GATAD2B: variants seen among roughly 807,000 people sequenced by gnomAD.
GATAD2B encodes transcriptional repressor p66-beta.
In GATAD2B, 8 loss-of-function variants were observed where a neutral mutation model predicts 64.3. The observed-to-expected ratio is 0.12, with a 90% CI of 0.07 to 0.22. GATAD2B has a LOEUF of 0.22. Ranked by LOEUF, GATAD2B falls within the 10% of genes least tolerant of loss-of-function variation. The pLI, the probability that GATAD2B is intolerant of heterozygous loss-of-function variation, is 1.00. For synonymous variants in GATAD2B, 281 were observed against 271.3 expected, an observed-to-expected ratio of 1.04 and a Z score of -0.35; for missense variants, 453 against 752.0, an observed-to-expected ratio of 0.60 and a Z score of 4.65.
intron 1 of GATAD2B, among the ~76,000 whole-genome samples, chr1:153,871,489 A>T (rs1676664474): frequency 6.6e-6 from 1 of 152,158 alleles, no homozygotes; most frequent in Non-Finnish European, 1.5e-5. Context: ...GGTGTAAGCC[A>T]CTGTACCCAG....
At chr1:153,853,745 G>A (rs1675989571) in intron 1 of GATAD2B, among the ~76,000 whole-genome samples, 1 of 152,106 alleles carries the variant, frequency 6.6e-6, no homozygotes, top group Admixed American at 6.6e-5. Flanking sequence ...CAGGTCTTAT[G>A]TTTAACTCTT....
chr1:153,853,829 CCAA>C (rs1362425242), intron 1 of GATAD2B, among the ~76,000 whole-genome samples: 5 of 152,038 alleles, frequency 3.3e-5, no homozygotes, highest in Admixed American at 6.6e-5. Context: ...TCCACTTTTC[CCAA>C]CAACATTTGT....
At chr1:153,911,753 C>CA (rs71584153) in intron 1 of GATAD2B, among the ~76,000 whole-genome samples, 17,944 of 151,396 alleles carry the variant, frequency 0.12, 1,625 homozygotes, top group East Asian at 0.49. Flanking sequence ...AAACAAAAAA[C>CA]AAAAAAAACA....
chr1:153,814,370 AAG>A (rs1350833998), intron 7 of GATAD2B, among the ~76,000 whole-genome samples: 7 of 152,326 alleles, frequency 4.6e-5, no homozygotes, highest in African/African-American at 1.7e-4. Context: ...AGCTTTTTAT[AAG>A]GTCTTTCTTA....
chr1:153,892,692 CTTTTTTTTTTTT>C (rs144331770), intron 1 of GATAD2B, among the ~76,000 whole-genome samples: 27 of 97,872 alleles, frequency 2.8e-4, no homozygotes, highest in African/African-American at 1.1e-3. Context: ...TGTAAGAAAC[CTTTTTTTTTTTT>C]TTTTTTTTTT....
intron 1 of GATAD2B, among the ~76,000 whole-genome samples, chr1:153,873,076 C>T (rs1165253236): frequency 6.6e-6 from 1 of 152,058 alleles, no homozygotes; most frequent in Admixed American, 6.6e-5. Context: ...TTTTAATCAG[C>T]ATTGCTTTTG....
At position 153,815,531 on chromosome 1, in the gene GATAD2B, TCA is replaced by T. The variant is rs1174920332; in HGVS notation, c.1216+740_1216+741del. On this transcript the variant is annotated intron_variant, in intron 7 of 10. Coordinates refer to ENST00000368655, the MANE Select transcript of GATAD2B (RefSeq NM_020699.4). ...TTCACCGTAGTTGTTTCACTTAAAG[TCA>T]CAGTTTCTAAGAAACTATTGATGAT... is the stretch of plus-strand genomic sequence containing the variant. 4.6e-5 allele frequency among the ~76,000 whole-genome samples: 7 copies of T among 152,016 alleles called. No homozygotes were observed. The East Asian group carries it at 1.2e-3, about 25-fold the overall frequency.
At chr1:153,825,063 G>A (rs1295244083) in intron 2 of GATAD2B, among the ~76,000 whole-genome samples, 1 of 152,150 alleles carries the variant, frequency 6.6e-6, no homozygotes, top group Non-Finnish European at 1.5e-5. Flanking sequence ...ACTCCAGCCA[G>A]GGCAACAGAG....
chr1:153,892,535 A>C (rs994774929), intron 1 of GATAD2B, among the ~76,000 whole-genome samples: 1 of 152,150 alleles, frequency 6.6e-6, no homozygotes, highest in Non-Finnish European at 1.5e-5. Context: ...ACAATTGACT[A>C]GTAAATGGTC....
At chr1:153,855,128 AATT>A (rs1340749698) in intron 1 of GATAD2B, among the ~76,000 whole-genome samples, 3 of 152,194 alleles carry the variant, frequency 2.0e-5, no homozygotes, top group Non-Finnish European at 4.4e-5. Context: ...AATATTAGGG[AATT>A]ATTATTAATC....
At chr1:153,823,740 T>G (rs2101887284) in intron 2 of GATAD2B, among the ~76,000 whole-genome samples, 1 of 151,408 alleles carries the variant, frequency 6.6e-6, no homozygotes, top group African/African-American at 2.4e-5. Context: ...TTTTGTTTGT[T>G]TTTTTTTTGA....
intron 1 of GATAD2B, among the ~76,000 whole-genome samples, chr1:153,918,481 A>G (rs985555484): frequency 6.6e-6 from 1 of 152,228 alleles, no homozygotes; most frequent in African/African-American, 2.4e-5. Flanking sequence ...CACAATTATA[A>G]TGAGAATTTA....
intron 1 of GATAD2B, among the ~76,000 whole-genome samples, chr1:153,867,151 G>A (rs1245119074): frequency 6.6e-6 from 1 of 152,114 alleles, no homozygotes; most frequent in African/African-American, 2.4e-5. Context: ...GTATGGACAA[G>A]GGCTTGAGAA....
intron 1 of GATAD2B, among the ~76,000 whole-genome samples, chr1:153,870,632 C>T (rs1676632659): frequency 6.6e-6 from 1 of 152,038 alleles, no homozygotes; most frequent in East Asian, 1.9e-4. Flanking sequence ...CATCAAAATG[C>T]TGTCAAATGC....
intron 1 of GATAD2B, among the ~76,000 whole-genome samples, chr1:153,885,662 A>G (rs528367712): frequency 6.6e-6 from 1 of 152,110 alleles, no homozygotes; most frequent in Non-Finnish European, 1.5e-5. Flanking sequence ...GGAGATTGAG[A>G]CCATCCTGGC....
At chr1:153,907,885 A>T (rs1366978424) in intron 1 of GATAD2B, among the ~76,000 whole-genome samples, 1 of 151,818 alleles carries the variant, frequency 6.6e-6, no homozygotes, top group Non-Finnish European at 1.5e-5. Flanking sequence ...GCTCATTGCA[A>T]CCTCCGCCTC....
chr1:153,903,613 C>T (rs1258819405), intron 1 of GATAD2B, among the ~76,000 whole-genome samples: 1 of 152,114 alleles, frequency 6.6e-6, no homozygotes, highest in African/African-American at 2.4e-5. Context: ...AGGAAAAGTA[C>T]AGAATTTCTG....
Position 153,835,961 on chromosome 1 carries a change from A to G in GATAD2B, c.-1-7613T>C, listed in dbSNP as rs559184647. Among the ~76,000 whole-genome samples the G allele has an allele frequency of 2.0e-5, 3 of 152,134 alleles. No homozygotes were observed. In the East Asian group the frequency reaches 5.8e-4, roughly 29 times the overall value. ...TGGTCTCAAACTCCTGACTTCAAGC[A>G]ATCCTCCCGCCTCAGCCTTCCAGAG... On this transcript the variant is annotated intron_variant, in intron 1 of 10. Coordinates refer to ENST00000368655, the MANE Select transcript of GATAD2B (RefSeq NM_020699.4).
At chr1:153,817,930 T>C (rs1674537430) in intron 5 of GATAD2B, 110 bp downstream of exon 5, 1 of 923,272 alleles carries the variant, frequency 1.1e-6, no homozygotes, top group African/African-American at 1.7e-5. Flanking sequence ...TCAGTAGTAA[T>C]AACACCTCTA....
Sources: allele counts gnomAD v4.1 joint callset (sites outside exome capture counted in the v4.1 genomes callset), GRCh38; gene constraint gnomAD v4.1.1; transcripts MANE v1.5; gene names NCBI Gene and HGNC (gene_info 2026-07-23, HGNC 2026-07-21).